Variants in WDR43 observed in about 807,000 individuals in gnomAD.
WDR43 encodes the protein WD repeat domain 43, also known as WD repeat-containing protein 43.
Under a neutral mutation model 91.4 loss-of-function variants are expected in WDR43, and 13 were observed. The observed-to-expected ratio is 0.14, with a 90% CI of 0.09 to 0.23. The LOEUF is 0.23. Ranked by LOEUF, WDR43 falls within the 10% of genes least tolerant of loss-of-function variation. The pLI, the probability that WDR43 is intolerant of heterozygous loss-of-function variation, is 1.00. For synonymous variants in WDR43, 331 were observed against 287.9 expected, an observed-to-expected ratio of 1.15 and a Z score of -1.51; for missense variants, 780 against 809.4, an observed-to-expected ratio of 0.96 and a Z score of 0.44.
chr2:28,936,522 A>G (rs2148197263), intron 12 of WDR43, among the ~76,000 whole-genome samples: 1 of 152,332 alleles, frequency 6.6e-6, no homozygotes, highest in East Asian at 1.9e-4. Flanking sequence ...AAAAATCGAG[A>G]TACAATTCAC....
chr2:28,906,702 G>T (rs1234267487), intron 3 of WDR43, 121 bp downstream of exon 3: 2 of 1,266,514 alleles, frequency 1.6e-6, no homozygotes, highest in African/African-American at 3.1e-5. Flanking sequence ...ATCAAATCGA[G>T]CATGCAAGAT....
chr2:28,912,153 A>G (rs1192716689), intron 3 of WDR43, among the ~76,000 whole-genome samples: 1 of 152,198 alleles, frequency 6.6e-6, no homozygotes, highest in Non-Finnish European at 1.5e-5. Flanking sequence ...TTGTGTTATT[A>G]AGGGAATTAA....
Position 28,906,319 on chromosome 2 carries a change from G to A in WDR43, c.364-141G>A. 1.5e-5 allele frequency: 11 copies of A among 755,690 alleles called. 1 individual carries two copies. The South Asian group carries it at 1.8e-4, about 12-fold the overall frequency. 46.8% of individuals were successfully genotyped at this position (755,690 alleles called of 1,614,324 possible). A position where few individuals can be genotyped will look rare whatever the true frequency, so the allele number is the denominator to read the frequency against. On this transcript the variant is annotated intron_variant, in intron 2 of 17. Transcript: ENST00000407426. ...ACCATTGGCTCTATGTAGTTCTACT[G>A]ATCTGAAATATCCACGTGTGGGCCA...
At chr2:28,903,110 C>A (rs1385176686) in intron 2 of WDR43, among the ~76,000 whole-genome samples, 1 of 151,726 alleles carries the variant, frequency 6.6e-6, no homozygotes, top group African/African-American at 2.4e-5. Flanking sequence ...AGTTTGTATC[C>A]TGATTTTTTT....
In WDR43 at chr2:28,935,602, C is replaced by G; in HGVS notation, c.1519C>G (p.Gln507Glu). The change falls in exon 12 of 18, where the codon CAA (glutamine) becomes GAA (glutamate). Residue 507 changes from glutamine (Q) to glutamate (E), a missense_variant. Physicochemically the swap from Gln to Glu is conservative, Grantham distance 29 (BLOSUM62 2). Around this residue, in one of 4 missense-constraint regions of WDR43, gnomAD observed 426 missense variants for 467.8 expected, o/e 0.91. Coordinates refer to ENST00000407426, the MANE Select transcript of WDR43 (RefSeq NM_015131.3). ...CCTGCATACTATTATTCCGTTGTTA[C>G]AAGAGGTAACTGACTGCTTTTTTCA... ...MPLHTIIPLL[Q>E]ELTKRLQGHP... is the part of the protein sequence containing the mutation. 2 of 1,581,798 alleles carry G rather than the reference C, an allele frequency of 1.3e-6. No individual in the cohort carries two copies. The highest frequency in any genetic ancestry group is 1.7e-6 in the Non-Finnish European group (2 of 1,163,592).
intron 15 of WDR43, 82 bp downstream of exon 15, chr2:28,941,656 G>GCAAGACCCT: frequency 2.8e-6 from 3 of 1,088,334 alleles, no homozygotes; most frequent in Non-Finnish European, 4.0e-6. Context: ...TTTGAGACAG[G>GCAAGACCCT]GTCTTGCTCT....
intron 2 of WDR43, among the ~76,000 whole-genome samples, chr2:28,904,676 A>G (rs1483131985): frequency 1.3e-5 from 2 of 152,254 alleles, no homozygotes; most frequent in Non-Finnish European, 2.9e-5. Flanking sequence ...ATCTGTTCAT[A>G]TCCTTTAGTT....
chr2:28,936,528 T>G (rs1671340264), intron 12 of WDR43, among the ~76,000 whole-genome samples: 1 of 152,220 alleles, frequency 6.6e-6, no homozygotes, highest in Non-Finnish European at 1.5e-5. Context: ...CGAGATACAA[T>G]TCACGTAGCA....
Position 28,924,970 on chromosome 2 carries a change from C to T in WDR43, c.915-12C>T. On this transcript the variant is annotated splice_polypyrimidine_tract_variant and intron_variant, in intron 7 of 17. Coordinates refer to ENST00000407426, the MANE Select transcript of WDR43 (RefSeq NM_015131.3). Reference sequence around the variant, plus strand: ...TCAAATTCTTTAATCTCATTTCCCCCTCCATTTCCAGGTACTGCAAAAAGC... The same window carrying T: ...TCAAATTCTTTAATCTCATTTCCCCTTCCATTTCCAGGTACTGCAAAAAGC... 2 of 1,605,010 alleles carry T rather than the reference C, an allele frequency of 1.2e-6. No homozygotes were observed. Among genetic ancestry groups the T allele is most frequent in the Non-Finnish European group, 8.5e-7 (1 of 1,176,716 alleles).
At chr2:28,946,270 C>T (rs1671540380) in intron 16 of WDR43, among the ~76,000 whole-genome samples, 180 bp from the exon 17 acceptor site, 1 of 151,556 alleles carries the variant, frequency 6.6e-6, no homozygotes, top group Admixed American at 6.6e-5. Context: ...AAGATTGCTC[C>T]ACTGCACTCC....
At position 28,941,472 on chromosome 2, in the gene WDR43, G is replaced by A; in HGVS notation, c.1632G>A (p.Leu544=). The change falls in exon 15 of 18, where the codon CTG becomes CTA. Residue 544 remains leucine (L), a synonymous_variant. Coordinates refer to ENST00000407426, the MANE Select transcript of WDR43 (RefSeq NM_015131.3). The part of the protein sequence containing the change: ...HASYLSTLPD[L]VPQLGTLYQL... ...ATTTTTTTCTCTAGTTGCCTGACCTGGTACCCCAGCTGGGGACACTCTACC... is the reference window on the plus strand; with the variant it reads ...ATTTTTTTCTCTAGTTGCCTGACCTAGTACCCCAGCTGGGGACACTCTACC... The A allele has an allele frequency of 6.2e-7, 1 of 1,612,692 alleles. No homozygotes were observed. The highest frequency in any genetic ancestry group is 8.5e-7 in the Non-Finnish European group (1 of 1,179,314).
chr2:28,903,636 C>T (rs1670617578), intron 2 of WDR43, among the ~76,000 whole-genome samples: 1 of 152,132 alleles, frequency 6.6e-6, no homozygotes, highest in Non-Finnish European at 1.5e-5. Context: ...GCATTCTTCC[C>T]TATATTCTTC....
At chr2:28,920,826 A>G (rs1296118456) in intron 6 of WDR43, among the ~76,000 whole-genome samples, 3 of 150,986 alleles carry the variant, frequency 2.0e-5, no homozygotes, top group South Asian at 4.2e-4. Context: ...ACAGGCACGC[A>G]CCATCACGCC....
chr2:28,898,415 G>T lies in WDR43; in HGVS notation c.225+3492G>T, dbSNP rs148917406. On this transcript the variant is annotated intron_variant, in intron 1 of 17. Transcript: ENST00000407426. ...TCCTAAGAAGTAAAGGTTGCAGATA[G>T]ATCTGATTGGCAGAAATAGAAGTTT... Among the ~76,000 whole-genome samples, 201 of 152,346 alleles carry T rather than the reference G, an allele frequency of 1.3e-3. 1 individual carries two copies. The highest frequency in any genetic ancestry group is 2.4e-3 in the Non-Finnish European group (160 of 68,028).
At chr2:28,918,713 G>C (rs77815031) in intron 6 of WDR43, among the ~76,000 whole-genome samples, 1 of 152,040 alleles carries the variant, frequency 6.6e-6, no homozygotes, top group African/African-American at 2.4e-5. Flanking sequence ...CTTGTTTGCT[G>C]CCTATAAAAA....
At position 28,940,519 on chromosome 2, in the gene WDR43, C is replaced by T. The variant is rs749375522; in HGVS notation, c.1621-942C>T. ...TGCTGGGATTACAGGCATGAGCCAC[C>T]GCGCCCAGCTGCCAGCGTTGTTCTT... is the stretch of plus-strand genomic sequence containing the variant. On this transcript the variant is annotated intron_variant, in intron 14 of 17. Coordinates refer to ENST00000407426, the MANE Select transcript of WDR43 (RefSeq NM_015131.3). 1.2e-4 allele frequency among the ~76,000 whole-genome samples: 19 copies of T among 152,082 alleles called. No homozygotes were observed. In the South Asian group the frequency reaches 2.1e-3, roughly 17 times the overall value.
At chr2:28,897,273 C>T (rs1400561062) in intron 1 of WDR43, among the ~76,000 whole-genome samples, 1 of 152,132 alleles carries the variant, frequency 6.6e-6, no homozygotes, top group Non-Finnish European at 1.5e-5. Flanking sequence ...GTCATATGTA[C>T]TGTAACAAGA....
intron 5 of WDR43, among the ~76,000 whole-genome samples, chr2:28,914,846 T>A (rs1222396692): frequency 1.3e-5 from 2 of 152,146 alleles, no homozygotes; most frequent in Non-Finnish European, 2.9e-5. Context: ...GGAGAATTGC[T>A]TGGACTCAGG....
intron 3 of WDR43, among the ~76,000 whole-genome samples, chr2:28,907,444 T>G (rs1371576437): frequency 6.7e-5 from 3 of 44,546 alleles, no homozygotes; most frequent in Non-Finnish European, 1.3e-4. Flanking sequence ...ACCACCTCTT[T>G]ACAAAAAAAA....
Sources: gnomAD v4.1 joint callset for allele counts (sites outside exome capture counted in the v4.1 genomes callset) on GRCh38, gnomAD v4.1.1 for gene constraint, gnomAD v4.1.1 regional missense constraint, MANE v1.5 for transcripts, NCBI Gene and HGNC (gene_info 2026-07-23, HGNC 2026-07-21) for gene names.